Variants in AGBL5 observed in about 807,000 individuals in gnomAD.
AGBL5 encodes the protein AGBL carboxypeptidase 5, also known as cytosolic carboxypeptidase-like protein 5.
AGBL5 carries 51 observed loss-of-function variants against 88.0 expected under a neutral mutation model. That is an observed-to-expected ratio of 0.58 (90% confidence interval 0.46 to 0.73). The LOEUF is 0.73. Ranked by LOEUF, AGBL5 falls within the 30% of genes least tolerant of loss-of-function variation. AGBL5 has a pLI of 0.00. For missense variants in AGBL5, 1,031 were observed against 1,162.2 expected (o/e 0.89, Z 1.64); for synonymous variants, 446 against 438.8 (o/e 1.02, Z -0.21).
chr2:27,055,770 C>T lies in AGBL5; in HGVS notation c.997C>T (p.Leu333Phe). 7 of 1,614,192 alleles carry T rather than the reference C, an allele frequency of 4.3e-6. No homozygotes were observed. The highest frequency in any genetic ancestry group is 5.1e-6 in the Non-Finnish European group (6 of 1,180,032). Reference sequence around the variant, plus strand: ...GGCCATCTATGGGGCCAAAGCTGTGCTTCTCTACCACCATGTGCACTCTCG... The same window carrying T: ...GGCCATCTATGGGGCCAAAGCTGTGTTTCTCTACCACCATGTGCACTCTCG... Reference protein sequence around the residue: ...HPAIYGAKAVLLYHHVHSRLN... With the variant: ...HPAIYGAKAVFLYHHVHSRLN... The change falls in exon 7 of 15, where the codon CTT (leucine) becomes TTT (phenylalanine). Residue 333 changes from leucine (L) to phenylalanine (F), a missense_variant. Leu to Phe is a conservative substitution (Grantham distance 22). Coordinates refer to ENST00000360131, the MANE Select transcript of AGBL5 (RefSeq NM_021831.6).
intron 11 of AGBL5, among the ~76,000 whole-genome samples, chr2:27,063,449 G>T (rs1200731713): frequency 6.6e-6 from 1 of 152,140 alleles, no homozygotes; most frequent in Non-Finnish European, 1.5e-5. Context: ...CAAAAAATTA[G>T]CCAGGTGTGG....
In AGBL5 at chr2:27,070,191, G is replaced by C. The variant is rs376506451; in HGVS notation, c.2589G>C (p.Arg863Ser). 1.8e-5 allele frequency: 29 copies of C among 1,614,050 alleles called. No homozygotes were observed. The highest frequency in any genetic ancestry group is 1.6e-4 in the Middle Eastern group (1 of 6,084). Reference protein sequence around the residue: ...SDSPSWNCYSRGPLGQPEVCF... With the variant: ...SDSPSWNCYSSGPLGQPEVCF... ...CCCCATCCTGGAATTGTTACAGCAG[G>C]GGTCCCTTGGGCCAACCTGAGGTTT... is the stretch of plus-strand genomic sequence containing the variant. The change falls in exon 15 of 15, where the codon AGG becomes AGC. Residue 863 changes from arginine to serine, a missense_variant. Arg to Ser is a moderately radical substitution (Grantham distance 110, BLOSUM62 -1). This residue lies in a region of AGBL5 where 491 missense variants were observed against 484.0 expected (regional missense o/e 1.01). Coordinates refer to ENST00000360131, the MANE Select transcript of AGBL5 (RefSeq NM_021831.6).
At chr2:27,051,484 C>T (rs1052995291), upstream of AGBL5, 1 of 152,276 alleles carries the variant, frequency 6.6e-6, no homozygotes, top group African/African-American at 2.4e-5. Flanking sequence ...CGTTAACCGT[C>T]TTCCGGAAGA....
At chr2:27,054,349 C>A (rs552850964) in intron 4 of AGBL5, 28 of 552,736 alleles carry the variant, frequency 5.1e-5, no homozygotes, top group African/African-American at 4.7e-4. Flanking sequence ...CTCAGTATAC[C>A]TTTTTTATCT....
At chr2:27,057,181 C>T in intron 8 of AGBL5, 122 bp from the exon 9 acceptor site, 1 of 1,112,026 alleles carries the variant, frequency 9.0e-7, no homozygotes, top group Non-Finnish European at 1.3e-6. Flanking sequence ...GGATTATTAG[C>T]ACTTTCATTT....
chr2:27,060,994 T>C (rs1041775080), intron 11 of AGBL5: 1 of 152,204 alleles, frequency 6.6e-6, no homozygotes, highest in East Asian at 1.9e-4. Flanking sequence ...TTCCAACTTG[T>C]ATCTTCTCAT....
At chr2:27,068,804 T>G (rs1669123590) in intron 13 of AGBL5, 60 bp downstream of exon 13, 3 of 1,598,164 alleles carry the variant, frequency 1.9e-6, no homozygotes, top group Admixed American at 3.5e-5. Flanking sequence ...GCACTGTTCC[T>G]CTGGGTAGTG....
rs1222492007 is a variant in AGBL5, at chr2:27,053,415, T to A, written c.229T>A (p.Phe77Ile). The change falls in exon 3 of 15, where the codon TTC becomes ATC. Residue 77 changes from phenylalanine to isoleucine, a missense_variant. Physicochemically the swap from Phe to Ile is conservative, Grantham distance 21. Transcript: ENST00000360131. This position sits in a 1 kb window ranked among gnomAD's most constrained non-coding sequence, Gnocchi z 4.9. ...FENGNRSWFY[F>I]SVRGGMPGKL... ...TCTGGTCCTCAGGTCATGGTTCTAC[T>A]TCAGCGTCCGGGGAGGAATGCCAGG... 6.2e-7 allele frequency: 1 copy of A among 1,614,122 alleles called. No individual in the cohort carries two copies. The highest frequency in any genetic ancestry group is 1.3e-5 in the African/African-American group (1 of 75,042).
intron 11 of AGBL5, among the ~76,000 whole-genome samples, chr2:27,065,070 A>G (rs968533122): frequency 1.3e-5 from 2 of 152,078 alleles, no homozygotes; most frequent in East Asian, 3.8e-4. Flanking sequence ...GGACCTTTCA[A>G]AAGTATTCTT....
rs1290226349 is a variant in AGBL5, at chr2:27,057,372, T to G, written c.1605T>G (p.Asn535Lys). Residue 535 changes from asparagine to lysine, a missense_variant, in exon 9 of 15, where the codon AAT becomes AAG. Coordinates refer to ENST00000360131, the MANE Select transcript of AGBL5 (RefSeq NM_021831.6). ...VNSIPAACHDNGRASPPPPPA... is the reference protein window; with the variant it reads ...VNSIPAACHDKGRASPPPPPA... ...GCATCCCTGCTGCCTGCCATGACAA[T>G]GGGCGTGCCAGCCCCCCTCCCCCGC... 5.6e-6 allele frequency: 9 copies of G among 1,613,964 alleles called. No individual in the cohort carries two copies. Among genetic ancestry groups the G allele is most frequent in the East Asian group, 2.2e-5 (1 of 44,890 alleles).
intron 8 of AGBL5, 95 bp downstream of exon 8, chr2:27,056,887 T>G (rs878939969): frequency 7.5e-7 from 1 of 1,342,276 alleles, no homozygotes; most frequent in Non-Finnish European, 1.0e-6. Context: ...TCCCAGCTAC[T>G]GAGGAGGCTG....
At chr2:27,052,698 C>T (rs1323895949) in intron 1 of AGBL5, among the ~76,000 whole-genome samples, 1 of 152,130 alleles carries the variant, frequency 6.6e-6, no homozygotes, top group African/African-American at 2.4e-5. Flanking sequence ...AAATGGGGTC[C>T]CTTTAGGTCA....
In AGBL5 at chr2:27,053,326, C is replaced by T; in HGVS notation, c.216-76C>T. On this transcript the variant is annotated intron_variant, in intron 2 of 14. Transcript: ENST00000360131. The surrounding 1 kb of genome is among the most constrained non-coding windows in gnomAD (Gnocchi z 4.9). ...GCCAAATAGCCCTTTCCCAGTTTGG[C>T]TGGCTCCGGCTCTCCCACAGACCAT... 2 of 1,555,772 alleles carry T rather than the reference C, an allele frequency of 1.3e-6. No homozygotes were observed. The highest frequency in any genetic ancestry group is 1.7e-6 in the Non-Finnish European group (2 of 1,148,422).
chr2:27,067,542 G>C lies in AGBL5; in HGVS notation c.2138G>C (p.Arg713Pro), dbSNP rs545834161. The C allele has an allele frequency of 1.2e-6, 2 of 1,614,110 alleles. No individual in the cohort carries two copies. Among genetic ancestry groups the C allele is most frequent in the Non-Finnish European group, 1.7e-6 (2 of 1,180,034 alleles). ...CGGCAGCAGCAGCCCCTGAACCATCGTCCTGCAGGCAGCCTCGCTCCATCC... is the reference window on the plus strand; with the variant it reads ...CGGCAGCAGCAGCCCCTGAACCATCCTCCTGCAGGCAGCCTCGCTCCATCC... ...RRRQQQPLNH[R>P]PAGSLAPSPA... Residue 713 changes from arginine (R) to proline (P), a missense_variant, in exon 12 of 15, where the codon CGT becomes CCT. This residue lies in a region of AGBL5 where 491 missense variants were observed against 484.0 expected (regional missense o/e 1.01). Coordinates refer to ENST00000360131, the MANE Select transcript of AGBL5 (RefSeq NM_021831.6).
intron 13 of AGBL5, 114 bp from the exon 14 acceptor site, chr2:27,069,459 C>T: frequency 2.0e-6 from 3 of 1,526,160 alleles, no homozygotes; most frequent in Non-Finnish European, 1.8e-6. Flanking sequence ...TGTCCCAGTA[C>T]CTCTACTGAT....
intron 7 of AGBL5, 163 bp downstream of exon 7, chr2:27,056,301 AG>A (rs2148277659): frequency 1.4e-6 from 1 of 694,830 alleles, no homozygotes; most frequent in South Asian, 1.9e-5. Context: ...GAGATGGCAC[AG>A]GGGGATAATG....
chr2:27,056,874 T>C (rs1668457374), intron 8 of AGBL5, 82 bp downstream of exon 8: 5 of 1,414,642 alleles, frequency 3.5e-6, no homozygotes, highest in Non-Finnish European at 4.7e-6. Context: ...TGCATGCTTG[T>C]AATCCCAGCT....
Position 27,053,605 on chromosome 2 carries a change from T to C in AGBL5, c.387+32T>C. The C allele has an allele frequency of 4.4e-6, 7 of 1,588,690 alleles. No individual in the cohort carries two copies. The highest frequency in any genetic ancestry group is 5.1e-6 in the Non-Finnish European group (6 of 1,169,554). The stretch of plus-strand genomic sequence containing the variant: ...TCTCCATGAGGAGGAAAGAAAGACT[T>C]GGGTGCTAAAAGTAGAGAGGAAAGT... On this transcript the variant is annotated intron_variant, in intron 3 of 14. Coordinates refer to ENST00000360131, the MANE Select transcript of AGBL5 (RefSeq NM_021831.6). This position sits in a 1 kb window ranked among gnomAD's most constrained non-coding sequence, Gnocchi z 4.9.
chr2:27,055,163 A>G lies in AGBL5; in HGVS notation c.818A>G (p.Asp273Gly), dbSNP rs778996873. 6.2e-7 allele frequency: 1 copy of G among 1,614,202 alleles called. No homozygotes were observed. The highest frequency in any genetic ancestry group is 1.7e-5 in the Admixed American group (1 of 60,024). Residue 273 changes from aspartate (D) to glycine (G), a missense_variant, in exon 6 of 15, where the codon GAT becomes GGT. Coordinates refer to ENST00000360131, the MANE Select transcript of AGBL5 (RefSeq NM_021831.6). ...NGFLDFILRP[D>G]DPRAQTLRRL... The stretch of plus-strand genomic sequence containing the variant: ...TTTCTGGACTTCATCCTCCGACCTG[A>G]TGATCCCCGGGCCCAAACCCTCCGT...
Sources: gnomAD v4.1 joint callset for allele counts (sites outside exome capture counted in the v4.1 genomes callset) on GRCh38, gnomAD v4.1.1 for gene constraint, gnomAD v4.1.1 regional missense constraint, Gnocchi (gnomAD v3.1) non-coding constraint, MANE v1.5 for transcripts, NCBI Gene and HGNC (gene_info 2026-07-23, HGNC 2026-07-21) for gene names.